THSD7A: variants seen among roughly 807,000 people sequenced by gnomAD.
The protein encoded by THSD7A is thrombospondin type-1 domain-containing protein 7A.
Under a neutral mutation model 231.3 loss-of-function variants are expected in THSD7A, and 96 were observed. The ratio of observed to expected loss-of-function variants is 0.41; its 90% confidence interval spans 0.35 to 0.49. THSD7A has a LOEUF of 0.49. THSD7A is among the 20% of genes least tolerant of loss of function. The pLI, the probability that THSD7A is intolerant of heterozygous loss-of-function variation, is 0.05. For synonymous variants in THSD7A, 940 were observed against 743.3 expected, an observed-to-expected ratio of 1.26 and a Z score of -4.30; for missense variants, 2,290 against 2,070.2, an observed-to-expected ratio of 1.11 and a Z score of -2.06.
At chr7:11,717,411 A>G (rs1288056221) in intron 1 of THSD7A, among the ~76,000 whole-genome samples, 3 of 151,648 alleles carry the variant, frequency 2.0e-5, no homozygotes, top group Non-Finnish European at 3.0e-5. Flanking sequence ...GACTTCCATT[A>G]TAAGTGCATT....
intron 6 of THSD7A, among the ~76,000 whole-genome samples, chr7:11,539,457 A>C (rs1046687809): frequency 6.6e-6 from 1 of 152,190 alleles, no homozygotes; most frequent in African/African-American, 2.4e-5. Flanking sequence ...TACCTTTTTA[A>C]AATTCATTCC....
At chr7:11,513,172 G>T (rs1004277453) in intron 6 of THSD7A, among the ~76,000 whole-genome samples, 6 of 151,084 alleles carry the variant, frequency 4.0e-5, no homozygotes, top group African/African-American at 1.5e-4. Flanking sequence ...GAGTGGGAGG[G>T]GTGCCAGGGA....
chr7:11,618,482 C>G (rs1429712211), intron 2 of THSD7A, among the ~76,000 whole-genome samples: 1 of 152,024 alleles, frequency 6.6e-6, no homozygotes, highest in East Asian at 1.9e-4. Flanking sequence ...TGAGGATGTG[C>G]TTGATGTTTT....
At chr7:11,668,003 G>C (rs1281243232) in intron 1 of THSD7A, among the ~76,000 whole-genome samples, 2 of 152,174 alleles carry the variant, frequency 1.3e-5, no homozygotes, top group East Asian at 3.9e-4. Flanking sequence ...GTGTACACAG[G>C]AACCAGAAAG....
intron 3 of THSD7A, among the ~76,000 whole-genome samples, chr7:11,592,854 G>A (rs999421077): frequency 1.3e-5 from 2 of 151,994 alleles, no homozygotes; most frequent in Non-Finnish European, 1.5e-5. Flanking sequence ...ATATCAACCT[G>A]CCACCTTTTT....
chr7:11,561,394 G>C (rs1790070852), intron 4 of THSD7A, among the ~76,000 whole-genome samples: 1 of 152,090 alleles, frequency 6.6e-6, no homozygotes, highest in Non-Finnish European at 1.5e-5. Flanking sequence ...GTGAGAAATG[G>C]AAACTAAATT....
In THSD7A at chr7:11,424,847, C is replaced by T. The variant is rs751286452; in HGVS notation, c.3250-18G>A. On this transcript the variant is annotated intron_variant, in intron 15 of 27. Transcript: ENST00000423059. ...TCATACACCTGAAACACACATGGTTCTCAGCAATCTCAGGGAATCTGGTAA... is the reference window on the plus strand; with the variant it reads ...TCATACACCTGAAACACACATGGTTTTCAGCAATCTCAGGGAATCTGGTAA... The T allele has an allele frequency of 1.2e-6, 2 of 1,612,224 alleles. No individual in the cohort carries two copies. The highest frequency in any genetic ancestry group is 1.7e-6 in the Non-Finnish European group (2 of 1,179,660).
intron 2 of THSD7A, among the ~76,000 whole-genome samples, chr7:11,620,230 AT>A (rs1034051241): frequency 2.0e-5 from 3 of 152,218 alleles, no homozygotes; most frequent in African/African-American, 4.8e-5. Flanking sequence ...TTTTTAAAGC[AT>A]TTTTTGTAAG....
At chr7:11,734,678 T>C (rs1196438570) in intron 1 of THSD7A, among the ~76,000 whole-genome samples, 1 of 151,968 alleles carries the variant, frequency 6.6e-6, no homozygotes, top group Non-Finnish European at 1.5e-5. Flanking sequence ...CTATTATTTG[T>C]ATAAACATTA....
Position 11,446,053 on chromosome 7 carries a change from T to C in THSD7A, c.3064+8A>G. 1 of 1,612,948 alleles carries C rather than the reference T, an allele frequency of 6.2e-7. No individual in the cohort carries two copies. The highest frequency in any genetic ancestry group is 8.5e-7 in the Non-Finnish European group (1 of 1,179,212). On this transcript the variant is annotated splice_region_variant and intron_variant, in intron 13 of 27. Coordinates refer to ENST00000423059, the MANE Select transcript of THSD7A (RefSeq NM_015204.3). The surrounding 1 kb of genome is among the most constrained non-coding windows in gnomAD (Gnocchi z 4.0). The stretch of plus-strand genomic sequence containing the variant: ...ATAGCAAATATGTAACAATGAAGAT[T>C]GAATTACCATGGCTGTTACATCTAG...
chr7:11,574,638 A>G (rs1227085880), intron 4 of THSD7A, among the ~76,000 whole-genome samples: 6 of 149,368 alleles, frequency 4.0e-5, no homozygotes, highest in Admixed American at 6.7e-5. Flanking sequence ...GGATTTCACC[A>G]TGTTAGCCAG....
chr7:11,445,152 T>G (rs1784927080), intron 13 of THSD7A, among the ~76,000 whole-genome samples: 1 of 152,000 alleles, frequency 6.6e-6, no homozygotes, highest in African/African-American at 2.4e-5. Flanking sequence ...GGAGGATAAC[T>G]GCCATGTATC....
intron 1 of THSD7A, among the ~76,000 whole-genome samples, chr7:11,645,312 C>CCATTAAAATA (rs1782237714): frequency 1.3e-5 from 2 of 151,614 alleles, no homozygotes; most frequent in African/African-American, 4.8e-5. Context: ...TTTTCTCTGA[C>CCATTAAAATA]CATTAAAATG....
At chr7:11,692,087 G>A (rs1256402354) in intron 1 of THSD7A, among the ~76,000 whole-genome samples, 1 of 151,490 alleles carries the variant, frequency 6.6e-6, no homozygotes, top group East Asian at 2.0e-4. Context: ...TGCTTGTGTA[G>A]GGTGAGATGG....
At chr7:11,524,131 T>C (rs1015633677) in intron 6 of THSD7A, among the ~76,000 whole-genome samples, 1 of 152,186 alleles carries the variant, frequency 6.6e-6, no homozygotes, top group East Asian at 1.9e-4. Flanking sequence ...GCAATGTTCT[T>C]ATATGTTTAG....
At chr7:11,666,765 G>T (rs1204379792) in intron 1 of THSD7A, among the ~76,000 whole-genome samples, 1 of 151,146 alleles carries the variant, frequency 6.6e-6, no homozygotes, top group Non-Finnish European at 1.5e-5. Flanking sequence ...ATATCTAAAA[G>T]CATATAAAGA....
At chr7:11,470,798 T>A (rs1309495976) in intron 8 of THSD7A, among the ~76,000 whole-genome samples, 3 of 151,814 alleles carry the variant, frequency 2.0e-5, no homozygotes, top group Non-Finnish European at 4.4e-5. Flanking sequence ...TAACTACTAT[T>A]TTCAAAATAA....
chr7:11,509,242 A>T (rs376753301), intron 6 of THSD7A, among the ~76,000 whole-genome samples: 2 of 152,132 alleles, frequency 1.3e-5, no homozygotes, highest in African/African-American at 4.8e-5. Context: ...TTTGATATGG[A>T]CATGTTTTGG....
At chr7:11,546,202 G>A (rs553256269) in intron 4 of THSD7A, among the ~76,000 whole-genome samples, 8,646 of 129,374 alleles carry the variant, frequency 0.067, 954 homozygotes, top group African/African-American at 0.23. Context: ...GTGGGCGCGC[G>A]CTCACACACA....
Sources: allele counts gnomAD v4.1 joint callset (sites outside exome capture counted in the v4.1 genomes callset), GRCh38; gene constraint gnomAD v4.1.1; non-coding constraint Gnocchi (gnomAD v3.1); transcripts MANE v1.5; gene names NCBI Gene and HGNC (gene_info 2026-07-23, HGNC 2026-07-21).